Variants in RANBP2 observed in about 807,000 individuals in gnomAD.
RANBP2 encodes E3 SUMO-protein ligase RanBP2.
In RANBP2, 57 loss-of-function variants were observed where a neutral mutation model predicts 303.6. The ratio of observed to expected loss-of-function variants is 0.19; its 90% confidence interval spans 0.15 to 0.23. The LOEUF is 0.23. Ranked by LOEUF, RANBP2 falls within the 10% of genes least tolerant of loss-of-function variation. The probability of loss-of-function intolerance (pLI) is 1.00; values close to 1 mark genes in which losing one functional copy is unlikely to be tolerated. For missense variants in RANBP2, 3,138 were observed against 3,780.8 expected, an observed-to-expected ratio of 0.83 and a Z score of 4.46; for synonymous variants, 1,167 against 1,301.5, an observed-to-expected ratio of 0.90 and a Z score of 2.23.
chr2:109,590,705 A>C, the RANBP2 span, among the ~76,000 whole-genome samples: 1 of 152,210 alleles, frequency 6.6e-6, no homozygotes, highest in African/African-American at 2.4e-5. Context: ...CTAGGATTAC[A>C]GGTGTGAGCC....
the RANBP2 span, among the ~76,000 whole-genome samples, chr2:109,058,058 C>T: frequency 1.3e-5 from 2 of 152,206 alleles, no homozygotes; most frequent in Non-Finnish European, 2.9e-5. Context: ...ACAGGGGTCA[C>T]TGGGAGTTGC....
At chr2:108,955,751 G>A in the RANBP2 span, among the ~76,000 whole-genome samples, 2 of 152,026 alleles carry the variant, frequency 1.3e-5, no homozygotes, top group Non-Finnish European at 2.9e-5. Flanking sequence ...TAGAGGTAGG[G>A]CGCGGTGGCT....
the RANBP2 span, among the ~76,000 whole-genome samples, chr2:109,495,771 G>A: frequency 3.3e-4 from 50 of 152,200 alleles, no homozygotes; most frequent in Non-Finnish European, 5.0e-4. Flanking sequence ...GGCGTGAGGC[G>A]TGAGCCACTG....
the RANBP2 span, among the ~76,000 whole-genome samples, chr2:109,055,139 C>T: frequency 2.6e-5 from 4 of 152,096 alleles, no homozygotes; most frequent in Admixed American, 6.6e-5. Context: ...TGCATTTTCA[C>T]GATGACTAAT....
chr2:108,787,696 G>A (rs1012260000), downstream of RANBP2, among the ~76,000 whole-genome samples: 3 of 151,350 alleles, frequency 2.0e-5, no homozygotes, highest in African/African-American at 7.3e-5. Flanking sequence ...CACAGCCTTT[G>A]TTTTCTGTAA....
the RANBP2 span, among the ~76,000 whole-genome samples, chr2:108,962,348 T>C: frequency 6.6e-6 from 1 of 152,118 alleles, no homozygotes; most frequent in Admixed American, 6.6e-5. Flanking sequence ...GGGATAATTG[T>C]CAAAGCTCAA....
the RANBP2 span, chr2:109,565,928 G>A: frequency 7.6e-7 from 1 of 1,307,294 alleles, no homozygotes; most frequent in African/African-American, 1.5e-5. Flanking sequence ...TAAATTTTAT[G>A]TGAGAGAGAA....
the RANBP2 span, among the ~76,000 whole-genome samples, chr2:109,170,254 C>T: frequency 0.068 from 1,045 of 15,472 alleles, 32 homozygotes; most frequent in African/African-American, 0.15. Flanking sequence ...TTTCTCTTCT[C>T]TTCTCTTCTC....
the RANBP2 span, among the ~76,000 whole-genome samples, chr2:109,227,986 T>A: frequency 6.6e-6 from 1 of 152,318 alleles, no homozygotes; most frequent in East Asian, 1.9e-4. Context: ...GGATTTACAT[T>A]TGCTGTGGGT....
At chr2:109,362,811 A>G in the RANBP2 span, among the ~76,000 whole-genome samples, 1 of 152,124 alleles carries the variant, frequency 6.6e-6, no homozygotes, top group South Asian at 2.1e-4. Flanking sequence ...CCCCTTCGTC[A>G]TTATGTAATG....
the RANBP2 span, among the ~76,000 whole-genome samples, chr2:109,125,415 C>T: frequency 6.6e-6 from 1 of 152,210 alleles, no homozygotes. Context: ...AGTCCTGTTT[C>T]CTCTGAGCTT....
chr2:108,936,486 C>T, the RANBP2 span, among the ~76,000 whole-genome samples: 2 of 152,140 alleles, frequency 1.3e-5, no homozygotes, highest in African/African-American at 4.8e-5. Flanking sequence ...CTGCGGGCTC[C>T]CTGCCCACCC....
At chr2:109,545,237 T>A in the RANBP2 span, 1 of 1,351,912 alleles carries the variant, frequency 7.4e-7, no homozygotes, top group Non-Finnish European at 9.5e-7. Context: ...CAAGGCATGA[T>A]GAATTTCCTC....
the RANBP2 span, among the ~76,000 whole-genome samples, chr2:109,180,822 A>C: frequency 6.6e-6 from 1 of 152,190 alleles, no homozygotes. Context: ...GAAACAGACT[A>C]ATATACTCAG....
chr2:108,853,305 A>C, the RANBP2 span, among the ~76,000 whole-genome samples: 1 of 152,176 alleles, frequency 6.6e-6, no homozygotes, highest in East Asian at 1.9e-4. Flanking sequence ...GGGTCAGTCT[A>C]ATATAATTGA....
At chr2:109,651,390 A>T in the RANBP2 span, among the ~76,000 whole-genome samples, 1 of 152,148 alleles carries the variant, frequency 6.6e-6, no homozygotes, top group Non-Finnish European at 1.5e-5. Context: ...GTGTTCCATG[A>T]CACCTACTCC....
chr2:108,734,836 G>C (rs1695441872), intron 4 of RANBP2, among the ~76,000 whole-genome samples: 1 of 151,992 alleles, frequency 6.6e-6, no homozygotes, highest in South Asian at 2.1e-4. Context: ...TGGAGATGAG[G>C]TGATTAAGGA....
the RANBP2 span, chr2:109,544,934 C>A: frequency 1.0e-6 from 1 of 977,646 alleles, no homozygotes; most frequent in Non-Finnish European, 1.2e-6. Flanking sequence ...TCCAAAAAAA[C>A]AAACAAACAA....
chr2:109,463,970 C>T, the RANBP2 span, among the ~76,000 whole-genome samples: 1 of 152,160 alleles, frequency 6.6e-6, no homozygotes, highest in African/African-American at 2.4e-5. Context: ...GGCAAGAGGT[C>T]ACCAGGAGAG....
Sources: gnomAD v4.1 joint callset for allele counts (sites outside exome capture counted in the v4.1 genomes callset) on GRCh38, gnomAD v4.1.1 for gene constraint, MANE v1.5 for transcripts, NCBI Gene and HGNC (gene_info 2026-07-23, HGNC 2026-07-21) for gene names.